The following DSCAM variants were observed in gnomAD, a reference collection of about 807,000 sequenced individuals.
DSCAM encodes the protein cell adhesion molecule DSCAM.
A neutral mutation model predicts 217.7 loss-of-function variants in DSCAM; 47 were observed. That is an observed-to-expected ratio of 0.22 (90% CI 0.17 to 0.28). DSCAM has a LOEUF of 0.28. Among genes scored for constraint, DSCAM ranks in the 10% least tolerant of loss-of-function variants. The pLI is 1.00. For synonymous variants in DSCAM, 1,056 were observed against 1,015.3 expected (o/e 1.04, Z -0.76); for missense variants, 2,080 against 2,618.3 (o/e 0.79, Z 4.49).
At chr21:40,474,412 T>C (rs577474429) in intron 3 of DSCAM, among the ~76,000 whole-genome samples, 15 of 152,280 alleles carry the variant, frequency 9.9e-5, no homozygotes, top group Admixed American at 2.6e-4. Context: ...TTGCAGCATA[T>C]AATATTCCAT....
intron 1 of DSCAM, among the ~76,000 whole-genome samples, chr21:40,843,115 C>T (rs76564173): frequency 0.024 from 3,715 of 152,230 alleles, 64 homozygotes; most frequent in Non-Finnish European, 0.039. Flanking sequence ...CTTTGAAGTC[C>T]TTAAGGTGCA....
intron 1 of DSCAM, among the ~76,000 whole-genome samples, chr21:40,807,362 C>T (rs2091797372): frequency 1.3e-5 from 2 of 152,136 alleles, no homozygotes; most frequent in Admixed American, 6.5e-5. Context: ...TGGATGGACA[C>T]TAAGGAACCA....
intron 1 of DSCAM, among the ~76,000 whole-genome samples, chr21:40,796,012 C>CATGTAGGTA (rs1452317711): frequency 6.6e-6 from 1 of 152,210 alleles, no homozygotes; most frequent in African/African-American, 2.4e-5. Context: ...TCCTAAGTGT[C>CATGTAGGTA]ATGTAGGTAC....
chr21:40,051,636 A>G (rs569604438), intron 30 of DSCAM, among the ~76,000 whole-genome samples: 1 of 152,202 alleles, frequency 6.6e-6, no homozygotes, highest in Non-Finnish European at 1.5e-5. Context: ...GTTCTATCCC[A>G]ATACTGGCAT....
At chr21:40,789,553 A>T (rs960516017) in intron 1 of DSCAM, among the ~76,000 whole-genome samples, 3 of 128,756 alleles carry the variant, frequency 2.3e-5, no homozygotes, top group Non-Finnish European at 3.3e-5. Context: ...GAGTAGATTG[A>T]TTTTTTTTTT....
At chr21:40,575,201 C>T (rs1474291605) in intron 3 of DSCAM, among the ~76,000 whole-genome samples, 1 of 124,788 alleles carries the variant, frequency 8.0e-6, no homozygotes, top group East Asian at 2.5e-4. Flanking sequence ...CCCCACTGAG[C>T]ACCCTGTGAC....
In DSCAM at chr21:40,773,765, G is replaced by T. The variant is rs538376460; in HGVS notation, c.44-64994C>A. On this transcript the variant is annotated intron_variant, in intron 1 of 32. Coordinates refer to ENST00000400454, the MANE Select transcript of DSCAM (RefSeq NM_001389.5). ...GGCAGTGTGGCTGTGAATTCTAGGG[G>T]AAGTTCCCCTCTGCTAGGCTGCCTG... 8.5e-5 allele frequency among the ~76,000 whole-genome samples: 13 copies of T among 152,350 alleles called. No homozygotes were observed. In the South Asian group the frequency reaches 1.9e-3, roughly 22 times the overall value.
intron 1 of DSCAM, among the ~76,000 whole-genome samples, chr21:40,767,888 T>TCTCTC (rs67078823): frequency 0.42 from 63,542 of 150,906 alleles, 13,877 homozygotes; most frequent in African/African-American, 0.54. Context: ...TTTTCTCTCT[T>TCTCTC]TCTCTCTCTC....
chr21:40,796,851 A>T (rs2091695841), intron 1 of DSCAM, among the ~76,000 whole-genome samples: 1 of 152,244 alleles, frequency 6.6e-6, no homozygotes, highest in Non-Finnish European at 1.5e-5. Flanking sequence ...TAGAAATGAA[A>T]AAAAGCATCC....
At chr21:40,461,774 T>C (rs960459923) in intron 3 of DSCAM, among the ~76,000 whole-genome samples, 9 of 152,046 alleles carry the variant, frequency 5.9e-5, no homozygotes, top group African/African-American at 1.9e-4. Flanking sequence ...GGCGATGCAA[T>C]GTGAAAAAGA....
At chr21:40,399,552 T>C (rs1314726682) in intron 3 of DSCAM, among the ~76,000 whole-genome samples, 1 of 152,200 alleles carries the variant, frequency 6.6e-6, no homozygotes, top group Non-Finnish European at 1.5e-5. Flanking sequence ...TTTGAGATAA[T>C]ATCCATCAAA....
chr21:40,513,856 T>TAAA (rs1438741173), intron 3 of DSCAM, among the ~76,000 whole-genome samples: 1 of 151,902 alleles, frequency 6.6e-6, no homozygotes, highest in Non-Finnish European at 1.5e-5. Context: ...AAACTGTATG[T>TAAA]AACAACAACA....
At chr21:40,212,571 C>A (rs2091196586) in intron 11 of DSCAM, 2 of 152,786 alleles carry the variant, frequency 1.3e-5, no homozygotes, top group South Asian at 4.1e-4. Flanking sequence ...ACCAAGAACA[C>A]CAAGGTTTGT....
intron 3 of DSCAM, among the ~76,000 whole-genome samples, chr21:40,578,564 C>T (rs1421722639): frequency 1.3e-5 from 2 of 152,178 alleles, no homozygotes; most frequent in East Asian, 3.9e-4. Context: ...AGAATAAAAG[C>T]TGGCCACTGG....
intron 3 of DSCAM, among the ~76,000 whole-genome samples, chr21:40,394,519 C>G (rs372923882): frequency 7.2e-5 from 11 of 152,336 alleles, no homozygotes; most frequent in East Asian, 5.8e-4. Flanking sequence ...GCGTTTTAAC[C>G]GCTTCCAGAG....
intron 19 of DSCAM, among the ~76,000 whole-genome samples, chr21:40,127,040 T>C (rs1252727467): frequency 6.6e-6 from 1 of 152,234 alleles, no homozygotes; most frequent in Non-Finnish European, 1.5e-5. Context: ...TTCCACGTCC[T>C]GGACAAGCTG....
At chr21:40,775,063 A>G (rs1427477567) in intron 1 of DSCAM, among the ~76,000 whole-genome samples, 2 of 152,038 alleles carry the variant, frequency 1.3e-5, no homozygotes, top group Non-Finnish European at 2.9e-5. Context: ...ATAATCCCAA[A>G]AGACACAATC....
intron 20 of DSCAM, among the ~76,000 whole-genome samples, chr21:40,103,524 A>T (rs1342613501): frequency 6.6e-6 from 1 of 152,066 alleles, no homozygotes; most frequent in Non-Finnish European, 1.5e-5. Context: ...TCTAATTTCC[A>T]TTTTATTTCA....
In DSCAM at chr21:40,685,937, A is replaced by AGG. The variant is rs1568984725; in HGVS notation, c.508+6872_508+6873insCC. Among the ~76,000 whole-genome samples the AGG allele has an allele frequency of 1.9e-3, 142 of 75,018 alleles. 1 individual carries two copies. Among genetic ancestry groups the AGG allele is most frequent in the Non-Finnish European group, 3.6e-3 (115 of 32,038 alleles). The allele number at this position is 75,018 out of a possible 152,430, so 49.2% of individuals were successfully genotyped here. A position where few individuals can be genotyped will look rare whatever the true frequency, so the allele number is the denominator to read the frequency against. On this transcript the variant is annotated intron_variant, in intron 3 of 32. Coordinates refer to ENST00000400454, the MANE Select transcript of DSCAM (RefSeq NM_001389.5). Reference sequence around the variant, plus strand: ...TCCATGGGAGGAAACTGAGGCAAACAAAAACAAAAACAAAAACAAAAACAG... The same window carrying AGG: ...TCCATGGGAGGAAACTGAGGCAAACAGGAAAACAAAAACAAAAACAAAAACAG...
Sources: allele counts gnomAD v4.1 joint callset (sites outside exome capture counted in the v4.1 genomes callset), GRCh38; gene constraint gnomAD v4.1.1; transcripts MANE v1.5; gene names NCBI Gene and HGNC (gene_info 2026-07-23, HGNC 2026-07-21).